The following ZNF354C variants were observed in gnomAD, a reference collection of about 807,000 sequenced individuals.
ZNF354C encodes the protein KRAB-zinc finger protein synten.
A neutral mutation model predicts 12.4 loss-of-function variants in ZNF354C; 7 were observed. That is an observed-to-expected ratio of 0.56 (90% CI 0.32 to 1.06). The LOEUF (loss-of-function observed/expected upper bound fraction) is 1.06. ZNF354C is among the 50% of genes least tolerant of loss of function. ZNF354C has a pLI of 0.04. For missense variants in ZNF354C, 609 were observed against 658.0 expected (o/e 0.93, Z 0.81); for synonymous variants, 202 against 224.5 (o/e 0.90, Z 0.90).
intron 2 of ZNF354C, among the ~76,000 whole-genome samples, chr5:179,074,673 C>A (rs2113119904): frequency 6.6e-6 from 1 of 152,262 alleles, no homozygotes; most frequent in East Asian, 1.9e-4. Context: ...TAGTGCTTCC[C>A]TGAACTCTCT....
rs759400859 is a variant in ZNF354C at position 179,078,937 on chromosome 5, T to G, written c.505T>G (p.Leu169Val). The change falls in exon 5 of 5, where the codon TTA (leucine) becomes GTA (valine). Residue 169 changes from leucine to valine, a missense_variant. Coordinates refer to ENST00000315475, the MANE Select transcript of ZNF354C (RefSeq NM_014594.3). ...TACAAGTCTTGAATTGGGGAAAAGC[T>G]TATTTACAAATACAGCTCTTGTCAC... ...NHTSLELGKS[L>V]FTNTALVTQQ... 6.2e-7 allele frequency: 1 copy of G among 1,614,116 alleles called. No homozygotes were observed. Among genetic ancestry groups the G allele is most frequent in the Non-Finnish European group, 8.5e-7 (1 of 1,180,008 alleles).
intron 2 of ZNF354C, among the ~76,000 whole-genome samples, chr5:179,064,521 A>G (rs1761936028): frequency 6.6e-6 from 1 of 151,108 alleles, no homozygotes; most frequent in Non-Finnish European, 1.5e-5. Flanking sequence ...GGTTCACGCC[A>G]TTCTCCTGCC....
intron 3 of ZNF354C, 31 bp from the exon 4 acceptor site, chr5:179,077,040 G>C (rs1308518067): frequency 1.9e-6 from 3 of 1,596,858 alleles, no homozygotes; most frequent in African/African-American, 2.7e-5. Context: ...CATGCTATTT[G>C]TTCAAACTTC....
Position 179,082,599 on chromosome 5 carries a change from A to G in ZNF354C, c.*2502A>G. The G allele has an allele frequency of 9.3e-7, 1 of 1,079,028 alleles. No homozygotes were observed. The allele number at this position is 1,079,028 out of a possible 1,614,324, so 66.8% of individuals were successfully genotyped here. A position where few individuals can be genotyped will look rare whatever the true frequency, so the allele number is the denominator to read the frequency against. On this transcript the variant is annotated 3_prime_UTR_variant, in exon 5 of 5. Transcript: ENST00000315475. ...CAGATTTCGGGAGGGATGAAGAGGG[A>G]GATATTCAGAAACCTTCACCAGATT...
At chr5:179,061,683 T>G (rs1761894087) in intron 1 of ZNF354C, among the ~76,000 whole-genome samples, 1 of 151,938 alleles carries the variant, frequency 6.6e-6, no homozygotes. Flanking sequence ...CTAGCTAGGC[T>G]GGGAAGTGGC....
At chr5:179,070,841 C>CTTTTTTTTTTT (rs766817856) in intron 2 of ZNF354C, among the ~76,000 whole-genome samples, 2 of 75,436 alleles carry the variant, frequency 2.7e-5, no homozygotes, top group Non-Finnish European at 4.7e-5. Flanking sequence ...CTTGATCGCT[C>CTTTTTTTTTTT]TTTTTTTTTT....
chr5:179,061,174 G>A (rs1391770219), intron 1 of ZNF354C, among the ~76,000 whole-genome samples: 1 of 152,362 alleles, frequency 6.6e-6, no homozygotes, highest in African/African-American at 2.4e-5. Context: ...GCCTGGCAGA[G>A]CCCCAGGTTG....
intron 2 of ZNF354C, among the ~76,000 whole-genome samples, chr5:179,065,711 G>A (rs530430754): frequency 3.9e-5 from 6 of 152,126 alleles, no homozygotes; most frequent in Admixed American, 6.5e-5. Flanking sequence ...CCCCATGCCC[G>A]GCCCTGATTA....
intron 2 of ZNF354C, among the ~76,000 whole-genome samples, chr5:179,074,492 C>T (rs975378045): frequency 1.3e-5 from 2 of 152,104 alleles, no homozygotes; most frequent in African/African-American, 4.8e-5. Context: ...TTACTGATGG[C>T]TTGCAACTGG....
At position 179,080,045 on chromosome 5, in the gene ZNF354C, C is replaced by T. The variant is rs765631194; in HGVS notation, c.1613C>T (p.Ser538Leu). 5.0e-6 allele frequency: 8 copies of T among 1,606,118 alleles called. No homozygotes were observed. Among genetic ancestry groups the T allele is most frequent in the East Asian group, 4.5e-5 (2 of 44,838 alleles). Residue 538 changes from serine to leucine, a missense_variant, in exon 5 of 5, where the codon TCA becomes TTA. Physicochemically the swap from Ser to Leu is moderately radical, Grantham distance 145 (BLOSUM62 -2). Transcript: ENST00000315475. The part of the protein sequence containing the change: ...EYGKPFICSS[S>L]LTQYQRFFKG... ...GGGAAACCTTTCATCTGCAGCTCCT[C>T]ACTTACCCAGTATCAGAGATTTTTT...
intron 2 of ZNF354C, among the ~76,000 whole-genome samples, chr5:179,075,265 A>AG (rs1491250633): frequency 6.6e-6 from 1 of 150,526 alleles, no homozygotes; most frequent in Admixed American, 6.6e-5. Flanking sequence ...TCTCAGAAAA[A>AG]GAAAAAAAAA....
chr5:179,065,480 G>C (rs1189272823), intron 2 of ZNF354C, among the ~76,000 whole-genome samples: 1 of 151,930 alleles, frequency 6.6e-6, no homozygotes, highest in South Asian at 2.1e-4. Context: ...GCAATGATGC[G>C]ATCTTGGCTC....
Position 179,080,296 on chromosome 5 carries a change from T to C in ZNF354C, c.*199T>C, listed in dbSNP as rs767393192. 6.8e-5 allele frequency: 25 copies of C among 369,110 alleles called. No individual in the cohort carries two copies. Among genetic ancestry groups the C allele is most frequent in the Non-Finnish European group, 1.1e-4 (22 of 207,762 alleles). The allele number at this position is 369,110 out of a possible 1,614,324, so 22.9% of individuals were successfully genotyped here. A position where few individuals can be genotyped will look rare whatever the true frequency, so the allele number is the denominator to read the frequency against. On this transcript the variant is annotated 3_prime_UTR_variant, in exon 5 of 5. Coordinates refer to ENST00000315475, the MANE Select transcript of ZNF354C (RefSeq NM_014594.3). ...TTTAAAAGAACCATAAATTCTAAGG[T>C]ATCTAAAAACCTATGAGTATTTAAT...
At position 179,083,411 on chromosome 5, in the gene ZNF354C, A is replaced by C. The variant is rs1439555929; in HGVS notation, c.*3314A>C. On this transcript the variant is annotated 3_prime_UTR_variant, in exon 5 of 5. Coordinates refer to ENST00000315475, the MANE Select transcript of ZNF354C (RefSeq NM_014594.3). ...GTTGACAGCATATTTTCAAATAAAT[A>C]TGTACAAAATCAGTCAATTGTTTTT... is the stretch of plus-strand genomic sequence containing the variant. The C allele has an allele frequency of 6.5e-6, 1 of 153,194 alleles. No homozygotes were observed. The highest frequency in any genetic ancestry group is 1.5e-5 in the Non-Finnish European group (1 of 68,758). The allele number at this position is 153,194 out of a possible 1,614,324, so 9.5% of individuals were successfully genotyped here. A position where few individuals can be genotyped will look rare whatever the true frequency, so the allele number is the denominator to read the frequency against.
intron 2 of ZNF354C, among the ~76,000 whole-genome samples, chr5:179,069,832 C>T (rs917847267): frequency 8.5e-5 from 13 of 152,300 alleles, no homozygotes; most frequent in African/African-American, 3.1e-4. Context: ...CGCCCCTGCA[C>T]TCCAGCCTGG....
chr5:179,082,393 A>G lies in ZNF354C; in HGVS notation c.*2296A>G. On this transcript the variant is annotated 3_prime_UTR_variant, in exon 5 of 5. Transcript: ENST00000315475. ...TCTTCCTGTTTAAAGAAATACAGGA[A>G]TAGAGGAACAAGTTGAATTACACAG... 2.9e-6 allele frequency: 1 copy of G among 342,578 alleles called. No individual in the cohort carries two copies. The allele number at this position is 342,578 out of a possible 1,614,324, so 21.2% of individuals were successfully genotyped here.
At chr5:179,073,369 T>C (rs1444301855) in intron 2 of ZNF354C, among the ~76,000 whole-genome samples, 1 of 152,230 alleles carries the variant, frequency 6.6e-6, no homozygotes, top group African/African-American at 2.4e-5. Context: ...TTAGAAATGG[T>C]AGCTATCTGG....
Position 179,080,294 on chromosome 5 carries a change from G to A in ZNF354C, c.*197G>A. On this transcript the variant is annotated 3_prime_UTR_variant, in exon 5 of 5. Transcript: ENST00000315475. ...ATTTTAAAAGAACCATAAATTCTAA[G>A]GTATCTAAAAACCTATGAGTATTTA... 2 of 372,478 alleles carry A rather than the reference G, an allele frequency of 5.4e-6. No individual in the cohort carries two copies. The highest frequency in any genetic ancestry group is 8.8e-5 in the South Asian group (1 of 11,376). The allele number at this position is 372,478 out of a possible 1,614,324, so 23.1% of individuals were successfully genotyped here.
In ZNF354C at chr5:179,076,551, ACAG is replaced by A; in HGVS notation, c.139_141del (p.Ser47del). The stretch of plus-strand genomic sequence containing the variant: ...TACCGGGAGGTGATGCTGGAGAACT[ACAG>A]CAGCCTGGTCTCACTGGGTAAGAAT... On this transcript the variant is annotated inframe_deletion, in exon 3 of 5. Coordinates refer to ENST00000315475, the MANE Select transcript of ZNF354C (RefSeq NM_014594.3). 2 of 1,614,154 alleles carry A rather than the reference ACAG, an allele frequency of 1.2e-6. No individual in the cohort carries two copies. The highest frequency in any genetic ancestry group is 1.7e-6 in the Non-Finnish European group (2 of 1,180,032).
Sources: gnomAD v4.1 joint callset for allele counts (sites outside exome capture counted in the v4.1 genomes callset) on GRCh38, gnomAD v4.1.1 for gene constraint, MANE v1.5 for transcripts, NCBI Gene and HGNC (gene_info 2026-07-23, HGNC 2026-07-21) for gene names.